The following CNPY1 variants were observed in gnomAD, a reference collection of about 807,000 sequenced individuals.
The protein encoded by CNPY1 is canopy FGF signaling regulator 1, also known as protein canopy homolog 1.
In CNPY1, 14 loss-of-function variants were observed where a neutral mutation model predicts 14.4. The ratio of observed to expected loss-of-function variants is 0.97; its 90% CI spans 0.64 to 1.52. CNPY1 has a LOEUF of 1.52. Ranked by LOEUF, CNPY1 falls within the 40% of genes most tolerant of loss-of-function variation. The probability of loss-of-function intolerance (pLI) is 0.00; values close to 1 mark genes in which losing one functional copy is unlikely to be tolerated. For synonymous variants in CNPY1, 43 were observed against 46.5 expected, an observed-to-expected ratio of 0.92 and a Z score of 0.31; for missense variants, 129 against 131.5, an observed-to-expected ratio of 0.98 and a Z score of 0.09.
intron 2 of CNPY1, among the ~76,000 whole-genome samples, chr7:155,545,520 G>A (rs962441931): frequency 2.0e-5 from 3 of 152,126 alleles, no homozygotes; most frequent in East Asian, 1.9e-4. Flanking sequence ...TCTCTAGGCC[G>A]CCCCTTTAGC....
chr7:155,533,445 C>A (rs943873718), intron 2 of CNPY1, among the ~76,000 whole-genome samples: 6 of 152,222 alleles, frequency 3.9e-5, no homozygotes, highest in Non-Finnish European at 7.3e-5. Context: ...GTGAGGCCTG[C>A]ACAGCCACCT....
At chr7:155,545,653 T>G (rs1267645987) in intron 2 of CNPY1, among the ~76,000 whole-genome samples, 178 bp downstream of exon 2, 1 of 152,164 alleles carries the variant, frequency 6.6e-6, no homozygotes, top group African/African-American at 2.4e-5. Context: ...CTGAGAGAGA[T>G]ACTTCAATTT....
At chr7:155,515,639 C>T (rs542752726) in intron 2 of CNPY1, among the ~76,000 whole-genome samples, 124 of 151,850 alleles carry the variant, frequency 8.2e-4, no homozygotes, top group Non-Finnish European at 1.1e-3. Flanking sequence ...CGAGGAGATT[C>T]GGGGATTTCT....
At chr7:155,546,062 G>A (rs1797153174) in intron 1 of CNPY1, 119 bp from the exon 2 acceptor site, 1 of 397,910 alleles carries the variant, frequency 2.5e-6, no homozygotes, top group Non-Finnish European at 4.4e-6. Flanking sequence ...ACGTGCCCAG[G>A]ACCTGGGGAG....
chr7:155,528,986 A>G (rs1395685836), intron 2 of CNPY1, among the ~76,000 whole-genome samples: 3 of 151,984 alleles, frequency 2.0e-5, no homozygotes, highest in Admixed American at 1.3e-4. Context: ...GCGTGAACCC[A>G]GAAGGCGGAG....
At chr7:155,534,716 C>T (rs536382045) in intron 2 of CNPY1, among the ~76,000 whole-genome samples, 1 of 152,302 alleles carries the variant, frequency 6.6e-6, no homozygotes, top group African/African-American at 2.4e-5. Context: ...AAGGGGCTGG[C>T]GTGGAGACTG....
chr7:155,533,591 G>A (rs952478413), intron 2 of CNPY1, among the ~76,000 whole-genome samples: 3 of 152,180 alleles, frequency 2.0e-5, no homozygotes, highest in African/African-American at 7.2e-5. Context: ...GCTCCGTCCC[G>A]GTCCGGCGTG....
chr7:155,528,791 T>A (rs545165961), intron 2 of CNPY1, among the ~76,000 whole-genome samples: 4 of 152,278 alleles, frequency 2.6e-5, no homozygotes, highest in South Asian at 4.1e-4. Context: ...CTGGGCGCGG[T>A]GGCTCACACC....
At chr7:155,517,943 G>A (rs1167308294) in intron 2 of CNPY1, among the ~76,000 whole-genome samples, 2 of 152,196 alleles carry the variant, frequency 1.3e-5, no homozygotes, top group Admixed American at 6.5e-5. Context: ...CACCTTTAAA[G>A]TGGCAGGCAT....
intron 4 of CNPY1, 46 bp downstream of exon 4, chr7:155,506,974 G>C (rs1457921044): frequency 7.9e-7 from 1 of 1,260,584 alleles, no homozygotes; most frequent in African/African-American, 1.5e-5. Flanking sequence ...GAGTGAGAGA[G>C]AGAGGGTGTG....
At chr7:155,534,143 G>A (rs1188783569) in intron 2 of CNPY1, among the ~76,000 whole-genome samples, 1 of 152,180 alleles carries the variant, frequency 6.6e-6, no homozygotes, top group African/African-American at 2.4e-5. Flanking sequence ...AGCAGGAAAA[G>A]CCGCCTTTCC....
intron 4 of CNPY1, among the ~76,000 whole-genome samples, chr7:155,505,834 C>A (rs11980980): frequency 0.084 from 12,729 of 152,112 alleles, 1,746 homozygotes; most frequent in African/African-American, 0.29. Context: ...GTATATCTCC[C>A]ACATCAAAGA....
chr7:155,533,521 G>A (rs1796978196), intron 2 of CNPY1, among the ~76,000 whole-genome samples: 2 of 152,330 alleles, frequency 1.3e-5, no homozygotes, highest in South Asian at 4.1e-4. Context: ...CGCAGAGCGG[G>A]GCCAGCTCCG....
rs1264222262 is a variant in CNPY1, at chr7:155,521,067, GAAGGAAGGAAGC to G, written c.100-11982_100-11971del. Among the ~76,000 whole-genome samples, 212 of 151,354 alleles carry G rather than the reference GAAGGAAGGAAGC, an allele frequency of 1.4e-3. 3 individuals carry two copies. The highest frequency in any genetic ancestry group is 4.7e-3 in the African/African-American group (193 of 41,268). ...AAAAAAAAAGAAAGAAGGAAGGAAG[GAAGGAAGGAAGC>G]AAGGAAGGAAGGAAGGAAGGAAGGA... On this transcript the variant is annotated intron_variant, in intron 2 of 4. Coordinates refer to ENST00000636446, the MANE Select transcript of CNPY1 (RefSeq NM_001393663.1).
chr7:155,531,896 T>C (rs994777658), intron 2 of CNPY1, among the ~76,000 whole-genome samples: 1 of 152,172 alleles, frequency 6.6e-6, no homozygotes, highest in African/African-American at 2.4e-5. Flanking sequence ...CTGGCCACTG[T>C]CAGCCCGGAA....
chr7:155,517,493 C>T (rs531897803), intron 2 of CNPY1, among the ~76,000 whole-genome samples: 1 of 152,338 alleles, frequency 6.6e-6, no homozygotes, highest in African/African-American at 2.4e-5. Context: ...CTGCTAGGTG[C>T]AGCCCAAGCC....
intron 2 of CNPY1, among the ~76,000 whole-genome samples, chr7:155,517,757 C>T (rs1382026072): frequency 1.3e-5 from 2 of 152,226 alleles, no homozygotes; most frequent in African/African-American, 2.4e-5. Context: ...TGGCCATGGG[C>T]GGGGATAGCC....
chr7:155,521,542 G>C (rs1188908631), intron 2 of CNPY1, among the ~76,000 whole-genome samples: 3 of 152,184 alleles, frequency 2.0e-5, no homozygotes, highest in African/African-American at 7.2e-5. Flanking sequence ...TTGTGGTCTG[G>C]GCCTGAAATC....
chr7:155,531,620 C>T (rs990461701), intron 2 of CNPY1, among the ~76,000 whole-genome samples: 11 of 152,150 alleles, frequency 7.2e-5, no homozygotes, highest in African/African-American at 2.7e-4. Context: ...AGAGACACAG[C>T]CAGCGTTCAG....
Sources: gnomAD v4.1 joint callset for allele counts (sites outside exome capture counted in the v4.1 genomes callset) on GRCh38, gnomAD v4.1.1 for gene constraint, MANE v1.5 for transcripts, NCBI Gene and HGNC (gene_info 2026-07-23, HGNC 2026-07-21) for gene names.